RIOX2: variants seen among roughly 807,000 people sequenced by gnomAD.
RIOX2 encodes 60S ribosomal protein L27a histidine hydroxylase.
RIOX2 carries 43 observed loss-of-function variants against 51.2 expected under a neutral mutation model. The ratio of observed to expected loss-of-function variants is 0.84; its 90% CI spans 0.66 to 1.08. The LOEUF (loss-of-function observed/expected upper bound fraction) is 1.08, where lower values mean the gene tolerates loss of function less well. RIOX2 is among the 50% of genes least tolerant of loss of function. The pLI, the probability that RIOX2 is intolerant of heterozygous loss-of-function variation, is 0.00. For synonymous variants in RIOX2, 226 were observed against 218.5 expected (o/e 1.03, Z -0.30); for missense variants, 566 against 561.7 (o/e 1.01, Z -0.08).
Position 97,941,960 on chromosome 3 carries a change from A to T in RIOX2, c.*3224T>A. The T allele has an allele frequency of 5.6e-6, 1 of 179,630 alleles. No individual in the cohort carries two copies. The highest frequency in any genetic ancestry group is 6.2e-5 in the Admixed American group (1 of 16,140). 11.1% of individuals were successfully genotyped at this position (179,630 alleles called of 1,614,324 possible). ...TGTTTTCATAAGAAAACCAAGCTCA[A>T]CATAATACGTTTTAAGCAAACAGGG... is the stretch of plus-strand genomic sequence containing the variant. On this transcript the variant is annotated 3_prime_UTR_variant, in exon 10 of 10. Coordinates refer to ENST00000394198, the MANE Select transcript of RIOX2 (RefSeq NM_153182.4).
At chr3:97,957,525 A>T (rs1055358596) in intron 4 of RIOX2, among the ~76,000 whole-genome samples, 1 of 151,074 alleles carries the variant, frequency 6.6e-6, no homozygotes, top group Non-Finnish European at 1.5e-5. Flanking sequence ...TGACATGCAC[A>T]TACACATACA....
intron 4 of RIOX2, among the ~76,000 whole-genome samples, chr3:97,955,159 C>A (rs1031923954): frequency 1.3e-5 from 2 of 152,152 alleles, no homozygotes; most frequent in African/African-American, 4.8e-5. Context: ...CCTACCCTAG[C>A]AAAGCACCTA....
intron 2 of RIOX2, among the ~76,000 whole-genome samples, chr3:97,962,988 C>A (rs1005236852): frequency 6.6e-6 from 1 of 152,176 alleles, no homozygotes; most frequent in Admixed American, 6.5e-5. Context: ...GACTGCATGA[C>A]AACATATTTA....
intron 4 of RIOX2, 128 bp from the exon 5 acceptor site, chr3:97,954,623 C>CA (rs1705388910): frequency 1.4e-6 from 1 of 733,014 alleles, no homozygotes; most frequent in Admixed American, 2.1e-5. Context: ...CCTCAAGGCA[C>CA]AGTCTATATG....
chr3:97,960,752 A>G (rs956519271), intron 3 of RIOX2, among the ~76,000 whole-genome samples: 1 of 152,132 alleles, frequency 6.6e-6, no homozygotes, highest in Non-Finnish European at 1.5e-5. Flanking sequence ...ATATCCCACT[A>G]TCTCATTCCT....
At position 97,961,678 on chromosome 3, in the gene RIOX2, C is replaced by G. The variant is rs187506362; in HGVS notation, c.463G>C (p.Glu155Gln). 3.8e-4 allele frequency: 611 copies of G among 1,611,998 alleles called. No homozygotes were observed. Among genetic ancestry groups the G allele is most frequent in the Middle Eastern group, 9.9e-4 (6 of 6,048 alleles). ...DELWRIQEKL[E>Q]CYFGSLVGSN... ...CCAACCAAGGAGCCAAAGTAACATT[C>G]CAGCTTCTCCTGGATCCTCCAAAGC... The change falls in exon 3 of 10, where the codon GAA (glutamate) becomes CAA (glutamine). Residue 155 changes from glutamate (E) to glutamine (Q), a missense_variant. Physicochemically the swap from Glu to Gln is conservative, Grantham distance 29 (BLOSUM62 2). Transcript: ENST00000394198.
intron 1 of RIOX2, among the ~76,000 whole-genome samples, chr3:97,969,224 A>G (rs183922691): frequency 6.4e-4 from 97 of 150,744 alleles, no homozygotes; most frequent in Middle Eastern, 3.4e-3. Context: ...TGAAGCTTAG[A>G]AAAAAAAAAT....
At chr3:97,969,386 G>T (rs557865310) in intron 1 of RIOX2, among the ~76,000 whole-genome samples, 36 of 152,320 alleles carry the variant, frequency 2.4e-4, no homozygotes, top group African/African-American at 7.9e-4. Flanking sequence ...AAGTGATGGA[G>T]AAATACAAAG....
chr3:97,959,203 G>A (rs1219715806), intron 3 of RIOX2, 24 bp from the exon 4 acceptor site: 1 of 1,602,898 alleles, frequency 6.2e-7, no homozygotes. Flanking sequence ...AGGCCCAGGA[G>A]CATCAGAGAG....
Position 97,942,374 on chromosome 3 carries a change from A to T in RIOX2, c.*2810T>A. The stretch of plus-strand genomic sequence containing the variant: ...GACTGAACATGGGCAATTCAGGCAG[A>T]AGTGGAGACTGAATAAAAATGGAAC... On this transcript the variant is annotated 3_prime_UTR_variant, in exon 10 of 10. Transcript: ENST00000394198. 1 of 1,611,972 alleles carries T rather than the reference A, an allele frequency of 6.2e-7. No individual in the cohort carries two copies. Among genetic ancestry groups the T allele is most frequent in the Non-Finnish European group, 8.5e-7 (1 of 1,178,552 alleles).
chr3:97,961,777 G>C lies in RIOX2; in HGVS notation c.433-69C>G, dbSNP rs921396402. 20 of 1,494,990 alleles carry C rather than the reference G, an allele frequency of 1.3e-5. No homozygotes were observed. In the South Asian group the frequency reaches 2.5e-4, roughly 18 times the overall value. The allele number at this position is 1,494,990 out of a possible 1,614,324, so 92.6% of individuals were successfully genotyped here. ...AAAAATGTATTAGAAATAAGAATAA[G>C]AGCATGTTCTTGTTCACTTAGGAAG... On this transcript the variant is annotated intron_variant, in intron 2 of 9. Coordinates refer to ENST00000394198, the MANE Select transcript of RIOX2 (RefSeq NM_153182.4).
At chr3:97,962,411 A>AGTTT (rs1705720895) in intron 2 of RIOX2, among the ~76,000 whole-genome samples, 2 of 128,108 alleles carry the variant, frequency 1.6e-5, no homozygotes, top group Non-Finnish European at 3.2e-5. Flanking sequence ...AAGTTCTGGC[A>AGTTT]GAAACTAAGG....
At chr3:97,946,807 C>G (rs543854821) in intron 8 of RIOX2, among the ~76,000 whole-genome samples, 39 of 151,682 alleles carry the variant, frequency 2.6e-4, no homozygotes, top group African/African-American at 9.4e-4. Flanking sequence ...ACAGGGAGCT[C>G]TATCAAAACA....
chr3:97,958,533 T>A (rs1391437325), intron 4 of RIOX2, among the ~76,000 whole-genome samples: 1 of 152,204 alleles, frequency 6.6e-6, no homozygotes, highest in Non-Finnish European at 1.5e-5. Context: ...CTTTCCTGAT[T>A]ACTACTGTTC....
At chr3:97,972,020 A>T (rs1576025283) in intron 1 of RIOX2, 1 of 152,044 alleles carries the variant, frequency 6.6e-6, no homozygotes. Flanking sequence ...TTCTGCCACC[A>T]CCGGGCGGAG....
chr3:97,948,596 T>A (rs2040413696), intron 7 of RIOX2, among the ~76,000 whole-genome samples: 1 of 152,306 alleles, frequency 6.6e-6, no homozygotes, highest in South Asian at 2.1e-4. Context: ...GAGTGACCAC[T>A]TCCGCTTTAC....
intron 1 of RIOX2, among the ~76,000 whole-genome samples, chr3:97,968,781 C>T (rs1706003348): frequency 6.6e-6 from 1 of 152,196 alleles, no homozygotes; most frequent in African/African-American, 2.4e-5. Flanking sequence ...AAGGAAGTCC[C>T]TATCTCCTGA....
chr3:97,948,538 A>G (rs984634554), intron 7 of RIOX2, among the ~76,000 whole-genome samples: 1 of 152,178 alleles, frequency 6.6e-6, no homozygotes, highest in African/African-American at 2.4e-5. Context: ...AGGCAAGAAC[A>G]TATTCCAAAC....
chr3:97,964,715 A>AG (rs979380579), intron 2 of RIOX2, among the ~76,000 whole-genome samples: 2 of 148,150 alleles, frequency 1.3e-5, no homozygotes, highest in Non-Finnish European at 1.5e-5. Context: ...AAAAAAAAAA[A>AG]AAAAAAGAAG....
Sources: allele counts gnomAD v4.1 joint callset (sites outside exome capture counted in the v4.1 genomes callset), GRCh38; gene constraint gnomAD v4.1.1; transcripts MANE v1.5; gene names NCBI Gene and HGNC (gene_info 2026-07-23, HGNC 2026-07-21).